Variants in CTNNA2 observed in about 807,000 individuals in gnomAD.
CTNNA2 encodes catenin alpha 2.
In CTNNA2, 42 loss-of-function variants were observed where a neutral mutation model predicts 101.0. The observed-to-expected ratio is 0.42, with a 90% CI of 0.32 to 0.54. The LOEUF is 0.54. Ranked by LOEUF, CTNNA2 falls within the 20% of genes least tolerant of loss-of-function variation. The pLI is 0.14. For missense variants in CTNNA2, 871 were observed against 1,223.1 expected (o/e 0.71, Z 4.29); for synonymous variants, 450 against 456.4 (o/e 0.99, Z 0.18).
chr2:79,596,285 G>T (rs1262620663), intron 1 of CTNNA2, among the ~76,000 whole-genome samples: 1 of 152,014 alleles, frequency 6.6e-6, no homozygotes, highest in African/African-American at 2.4e-5. Flanking sequence ...AGTTACAGGA[G>T]ATAGTTTGTC....
intron 7 of CTNNA2, among the ~76,000 whole-genome samples, chr2:79,936,544 C>T (rs62141629): frequency 1.2e-5 from 1 of 82,880 alleles, no homozygotes; most frequent in Non-Finnish European, 2.6e-5. Context: ...CTCCAAGCGT[C>T]CTTTTTTTTT....
chr2:80,003,224 G>A (rs893263366), intron 7 of CTNNA2, among the ~76,000 whole-genome samples: 38 of 152,104 alleles, frequency 2.5e-4, no homozygotes, highest in Admixed American at 1.4e-3. Context: ...CACTGATTGG[G>A]TTTTTAGGAG....
intron 1 of CTNNA2, among the ~76,000 whole-genome samples, chr2:79,551,761 C>T (rs923249213): frequency 1.3e-5 from 2 of 152,100 alleles, no homozygotes; most frequent in African/African-American, 4.8e-5. Context: ...GAAGCAGGCA[C>T]ATCTTACATG....
chr2:80,069,730 A>G (rs1698207843), intron 7 of CTNNA2, among the ~76,000 whole-genome samples: 1 of 152,178 alleles, frequency 6.6e-6, no homozygotes, highest in Non-Finnish European at 1.5e-5. Flanking sequence ...GTATAAATTC[A>G]TAACTAATAA....
At chr2:80,348,351 A>G (rs1310215766) in intron 7 of CTNNA2, among the ~76,000 whole-genome samples, 1 of 152,160 alleles carries the variant, frequency 6.6e-6, no homozygotes, top group Non-Finnish European at 1.5e-5. Context: ...TCATTTCCGA[A>G]TATGTTTTCA....
intron 15 of CTNNA2, among the ~76,000 whole-genome samples, chr2:80,597,667 G>A (rs1396911404): frequency 6.6e-6 from 1 of 152,114 alleles, no homozygotes; most frequent in Non-Finnish European, 1.5e-5. Flanking sequence ...CAAAGGATAT[G>A]AACAGACACT....
intron 1 of CTNNA2, among the ~76,000 whole-genome samples, chr2:79,646,995 A>G (rs2104450804): frequency 6.6e-6 from 1 of 152,238 alleles, no homozygotes; most frequent in East Asian, 1.9e-4. Flanking sequence ...AAGTCTCTCT[A>G]CCAAAGGTAA....
intron 9 of CTNNA2, among the ~76,000 whole-genome samples, chr2:80,494,200 G>A (rs1242899495): frequency 6.6e-6 from 1 of 152,170 alleles, no homozygotes; most frequent in Non-Finnish European, 1.5e-5. Context: ...AACATAAGGA[G>A]TGTATTTTGG....
At chr2:80,371,268 C>T (rs1675415964) in intron 7 of CTNNA2, among the ~76,000 whole-genome samples, 2 of 152,190 alleles carry the variant, frequency 1.3e-5, no homozygotes, top group South Asian at 2.1e-4. Context: ...ATGGCTGTCA[C>T]ATGATAGGCA....
intron 6 of CTNNA2, among the ~76,000 whole-genome samples, chr2:79,894,731 C>A (rs758264078): frequency 6.6e-6 from 1 of 152,250 alleles, no homozygotes; most frequent in East Asian, 1.9e-4. Context: ...ACTATTCCTT[C>A]TATGCTACTA....
intron 7 of CTNNA2, among the ~76,000 whole-genome samples, chr2:80,012,811 A>T (rs1465142890): frequency 6.6e-6 from 1 of 152,166 alleles, no homozygotes; most frequent in Non-Finnish European, 1.5e-5. Context: ...AAATGATCAC[A>T]GGATATTTCT....
At chr2:80,199,645 A>C (rs533985353) in intron 7 of CTNNA2, among the ~76,000 whole-genome samples, 2 of 152,312 alleles carry the variant, frequency 1.3e-5, no homozygotes, top group South Asian at 4.1e-4. Flanking sequence ...GAAGAATGCA[A>C]AGTAGCTTGA....
intron 3 of CTNNA2, among the ~76,000 whole-genome samples, chr2:79,327,448 C>G (rs1676772824): frequency 6.6e-6 from 1 of 152,180 alleles, no homozygotes; most frequent in Admixed American, 6.5e-5. Flanking sequence ...AGCCTGAATA[C>G]TGGTCTTCAT....
At chr2:80,208,424 C>G (rs1707667245) in intron 7 of CTNNA2, among the ~76,000 whole-genome samples, 2 of 152,166 alleles carry the variant, frequency 1.3e-5, no homozygotes, top group South Asian at 4.1e-4. Context: ...TACTCTCTTA[C>G]TATACTGCTA....
intron 4 of CTNNA2, among the ~76,000 whole-genome samples, chr2:79,862,107 G>T (rs528942944): frequency 6.6e-6 from 1 of 152,282 alleles, no homozygotes; most frequent in South Asian, 2.1e-4. Flanking sequence ...GCGATAGCAG[G>T]ACACATAAAC....
chr2:80,050,019 C>T (rs1357220113), intron 7 of CTNNA2, among the ~76,000 whole-genome samples: 1 of 152,078 alleles, frequency 6.6e-6, no homozygotes, highest in Non-Finnish European at 1.5e-5. Flanking sequence ...GTGCCCTCTC[C>T]TTCCTCTTCC....
At chr2:79,200,508 C>T (rs762029841) in intron 2 of CTNNA2, among the ~76,000 whole-genome samples, 13 of 152,106 alleles carry the variant, frequency 8.5e-5, no homozygotes, top group South Asian at 2.1e-4. Context: ...GAGATTTCTC[C>T]GCAAAACGGA....
At chr2:80,390,991 A>T (rs1677455598) in intron 7 of CTNNA2, among the ~76,000 whole-genome samples, 1 of 151,880 alleles carries the variant, frequency 6.6e-6, no homozygotes, top group South Asian at 2.1e-4. Flanking sequence ...AATTAGCTGG[A>T]CATGGTGGCA....
At chr2:80,492,629 T>G (rs891324051) in intron 9 of CTNNA2, among the ~76,000 whole-genome samples, 1 of 152,164 alleles carries the variant, frequency 6.6e-6, no homozygotes, top group Non-Finnish European at 1.5e-5. Flanking sequence ...CTTCTGTCTT[T>G]TCTTTGTCCT....
Sources: gnomAD v4.1 joint callset for allele counts (sites outside exome capture counted in the v4.1 genomes callset) on GRCh38, gnomAD v4.1.1 for gene constraint, MANE v1.5 for transcripts, NCBI Gene and HGNC (gene_info 2026-07-23, HGNC 2026-07-21) for gene names.